Variants in ATXN1 observed in about 807,000 individuals in gnomAD.
ATXN1 encodes the protein ataxin 1.
ATXN1 carries 8 observed loss-of-function variants against 56.4 expected under a neutral mutation model. That is an observed-to-expected ratio of 0.14 (90% CI 0.08 to 0.26). ATXN1 has a LOEUF of 0.26. ATXN1 is among the 10% of genes least tolerant of loss of function. ATXN1 has a pLI of 1.00. For missense variants in ATXN1, 987 were observed against 1,106.5 expected (o/e 0.89, Z 1.53); for synonymous variants, 514 against 494.6 (o/e 1.04, Z -0.52).
chr6:16,308,871 C>T (rs1235936262), intron 7 of ATXN1, among the ~76,000 whole-genome samples: 1 of 152,012 alleles, frequency 6.6e-6, no homozygotes, highest in Non-Finnish European at 1.5e-5. Flanking sequence ...ACTATGCTTA[C>T]AATAATTAAG....
At chr6:16,492,192 A>T (rs1760679377) in intron 5 of ATXN1, among the ~76,000 whole-genome samples, 1 of 151,926 alleles carries the variant, frequency 6.6e-6, no homozygotes, top group Non-Finnish European at 1.5e-5. Flanking sequence ...TGAGATAATA[A>T]ATAGGTATTG....
At chr6:16,554,737 T>C (rs534204803) in intron 4 of ATXN1, among the ~76,000 whole-genome samples, 3 of 147,196 alleles carry the variant, frequency 2.0e-5, no homozygotes, top group Admixed American at 6.7e-5. Context: ...TACAGGCACA[T>C]GCCACCACGC....
intron 5 of ATXN1, among the ~76,000 whole-genome samples, chr6:16,515,476 T>C (rs908170660): frequency 2.0e-5 from 3 of 152,154 alleles, no homozygotes; most frequent in African/African-American, 4.8e-5. Flanking sequence ...AATCTGTCAG[T>C]GGCTGGGACT....
chr6:16,526,041 C>CTATATATATATATA (rs71769107), intron 4 of ATXN1, among the ~76,000 whole-genome samples: 22 of 127,120 alleles, frequency 1.7e-4, no homozygotes, highest in African/African-American at 4.5e-4. Context: ...AGAAATAAAT[C>CTATATATATATATA]TATATATATA....
rs1451772509 is a variant in ATXN1 at position 16,367,489 on chromosome 6, T to C, written c.-160-39019A>G. On this transcript the variant is annotated intron_variant, in intron 6 of 7. Coordinates refer to ENST00000436367, the MANE Select transcript of ATXN1 (RefSeq NM_001128164.2). ...AGCTAATGAAGGCTCACAGTTGAAG[T>C]TGTCTGATTTGTACACACCCAGCAC... Among the ~76,000 whole-genome samples the C allele has an allele frequency of 5.3e-5, 8 of 152,134 alleles. No individual in the cohort carries two copies. In the South Asian group the frequency reaches 8.3e-4, roughly 16 times the overall value.
intron 2 of ATXN1, chr6:16,738,298 A>G (rs1760206735): frequency 6.6e-6 from 1 of 152,234 alleles, no homozygotes; most frequent in African/African-American, 2.4e-5. Context: ...CTCAATTCTG[A>G]AGCTCAGTTC....
intron 6 of ATXN1, among the ~76,000 whole-genome samples, chr6:16,439,865 G>A (rs1037584035): frequency 5.9e-5 from 9 of 151,826 alleles, no homozygotes; most frequent in East Asian, 3.9e-4. Flanking sequence ...ATCTGAGGTC[G>A]GAAGTTCGAG....
Position 16,700,661 on chromosome 6 carries a change from C to T in ATXN1, c.-614-42760G>A, listed in dbSNP as rs114474432. Among the ~76,000 whole-genome samples the T allele has an allele frequency of 7.0e-3, 1,070 of 152,204 alleles. 20 individuals are homozygous for T. The highest frequency in any genetic ancestry group is 0.024 in the African/African-American group (1,014 of 41,504). ...CTTCAGCCTCCTTTGGCTTCCTAAC[C>T]GCCACCCACAGACCTCCAAACGTGG... is the stretch of plus-strand genomic sequence containing the variant. On this transcript the variant is annotated intron_variant, in intron 2 of 7. Coordinates refer to ENST00000436367, the MANE Select transcript of ATXN1 (RefSeq NM_001128164.2).
chr6:16,569,056 C>T (rs1762282840), intron 4 of ATXN1, among the ~76,000 whole-genome samples: 1 of 152,154 alleles, frequency 6.6e-6, no homozygotes, highest in Admixed American at 6.5e-5. Context: ...GGTTCCTGAC[C>T]AACAGGTATA....
intron 2 of ATXN1, chr6:16,752,954 T>C (rs1760767774): frequency 3.7e-6 from 1 of 266,854 alleles, no homozygotes; most frequent in African/African-American, 2.3e-5. Flanking sequence ...ACAATTAAAA[T>C]GATGAGGTTC....
chr6:16,626,512 G>A (rs185746768), intron 3 of ATXN1, among the ~76,000 whole-genome samples: 18 of 152,138 alleles, frequency 1.2e-4, no homozygotes, highest in Admixed American at 9.8e-4. Context: ...GGCTGTTCAC[G>A]AACTCCTGAC....
chr6:16,542,220 A>G (rs1761728467), intron 4 of ATXN1, among the ~76,000 whole-genome samples: 1 of 152,128 alleles, frequency 6.6e-6, no homozygotes, highest in Non-Finnish European at 1.5e-5. Flanking sequence ...CAGGCTTCCA[A>G]TGGGTTCTCT....
intron 2 of ATXN1, among the ~76,000 whole-genome samples, chr6:16,695,192 C>T (rs1358669385): frequency 6.6e-6 from 1 of 152,146 alleles, no homozygotes; most frequent in Non-Finnish European, 1.5e-5. Flanking sequence ...CCTGCCATCA[C>T]ATACACTGTT....
chr6:16,511,552 G>A (rs1208146752), intron 5 of ATXN1, among the ~76,000 whole-genome samples: 1 of 152,176 alleles, frequency 6.6e-6, no homozygotes. Flanking sequence ...ACAACCTTCT[G>A]AATAACAGAG....
At chr6:16,447,365 C>CA (rs1348581661) in intron 6 of ATXN1, among the ~76,000 whole-genome samples, 3 of 152,034 alleles carry the variant, frequency 2.0e-5, no homozygotes, top group Non-Finnish European at 4.4e-5. Context: ...GCTGGTATTA[C>CA]AGGTGCCCAC....
intron 6 of ATXN1, chr6:16,485,588 A>T (rs528436817): frequency 6.6e-6 from 1 of 152,316 alleles, no homozygotes; most frequent in South Asian, 2.1e-4. Context: ...CTTAGCCTGG[A>T]GAATTTTACC....
At chr6:16,531,468 C>T (rs1761501928) in intron 4 of ATXN1, among the ~76,000 whole-genome samples, 1 of 152,010 alleles carries the variant, frequency 6.6e-6, no homozygotes, top group Non-Finnish European at 1.5e-5. Flanking sequence ...ACTAAATATA[C>T]AAAAATGAGC....
chr6:16,414,584 C>G (rs1370028656), intron 6 of ATXN1, among the ~76,000 whole-genome samples: 4 of 152,210 alleles, frequency 2.6e-5, no homozygotes, highest in East Asian at 3.8e-4. Context: ...CTTGTACTCA[C>G]TGCTTCATCA....
chr6:16,600,938 T>A (rs767429401), intron 3 of ATXN1, among the ~76,000 whole-genome samples: 14 of 152,226 alleles, frequency 9.2e-5, no homozygotes, highest in Non-Finnish European at 1.8e-4. Flanking sequence ...TTGTTAGAGC[T>A]GGTTGCCTGC....
Sources: allele counts gnomAD v4.1 joint callset (sites outside exome capture counted in the v4.1 genomes callset), GRCh38; gene constraint gnomAD v4.1.1; transcripts MANE v1.5; gene names NCBI Gene and HGNC (gene_info 2026-07-23, HGNC 2026-07-21).